Variants in RAD51B observed in about 807,000 individuals in gnomAD.
RAD51B encodes RAD51 paralog B.
In RAD51B, 38 loss-of-function variants were observed where a neutral mutation model predicts 42.2. The observed-to-expected ratio is 0.90, with a 90% CI of 0.70 to 1.18. The LOEUF (loss-of-function observed/expected upper bound fraction) is 1.18. Among genes scored for constraint, RAD51B ranks in the 50% most tolerant of loss-of-function variants. The probability of loss-of-function intolerance (pLI) is 0.00; values close to 1 mark genes in which losing one functional copy is unlikely to be tolerated. For missense variants in RAD51B, 373 were observed against 400.7 expected (o/e 0.93, Z 0.59); for synonymous variants, 154 against 145.2 (o/e 1.06, Z -0.43).
intron 7 of RAD51B, among the ~76,000 whole-genome samples, chr14:68,060,028 A>T (rs1214895258): frequency 1.3e-5 from 2 of 152,224 alleles, no homozygotes; most frequent in African/African-American, 4.8e-5. Context: ...GTGTGATGCC[A>T]GAGGAAGAAT....
chr14:68,477,015 G>A (rs1055497519), intron 10 of RAD51B, among the ~76,000 whole-genome samples: 4 of 152,164 alleles, frequency 2.6e-5, no homozygotes, highest in African/African-American at 9.7e-5. Context: ...TCCCACAGAG[G>A]CTGACCAGTG....
intron 7 of RAD51B, among the ~76,000 whole-genome samples, chr14:68,271,999 C>T (rs1162144650): frequency 6.6e-6 from 1 of 152,164 alleles, no homozygotes; most frequent in East Asian, 1.9e-4. Flanking sequence ...TGTTTCAACT[C>T]GAAAATGAAA....
intron 4 of RAD51B, among the ~76,000 whole-genome samples, chr14:67,855,509 G>C (rs1394343398): frequency 6.6e-6 from 1 of 151,918 alleles, no homozygotes; most frequent in Non-Finnish European, 1.5e-5. Flanking sequence ...CAAAGTGCTG[G>C]GATTATAGGC....
At chr14:67,882,836 C>T (rs2042952124) in intron 5 of RAD51B, among the ~76,000 whole-genome samples, 1 of 152,072 alleles carries the variant, frequency 6.6e-6, no homozygotes, top group South Asian at 2.1e-4. Context: ...CCTCCATCTC[C>T]CAGATTCAAG....
chr14:67,928,232 A>T (rs150107408), intron 7 of RAD51B, among the ~76,000 whole-genome samples: 139 of 152,100 alleles, frequency 9.1e-4, no homozygotes, highest in Non-Finnish European at 1.7e-3. Flanking sequence ...GATTGTATTG[A>T]TATGGCTCCA....
chr14:68,601,393 T>C (rs12879200), intron 10 of RAD51B, among the ~76,000 whole-genome samples: 52,504 of 151,984 alleles, frequency 0.35, 9,489 homozygotes, highest in Non-Finnish European at 0.39. Context: ...TCATGTCGGC[T>C]ATAGTTTCCA....
chr14:68,143,752 G>T (rs1424525433), intron 7 of RAD51B, among the ~76,000 whole-genome samples: 3 of 152,202 alleles, frequency 2.0e-5, no homozygotes, highest in Admixed American at 2.0e-4. Flanking sequence ...TTGAAAAGCA[G>T]CTGCAACCTT....
intron 8 of RAD51B, among the ~76,000 whole-genome samples, chr14:68,352,938 G>T (rs2082820400): frequency 6.6e-6 from 1 of 152,156 alleles, no homozygotes; most frequent in Non-Finnish European, 1.5e-5. Context: ...GAAAAGTGAG[G>T]CTGGTACTAT....
chr14:68,629,614 T>C (rs1299896139), intron 10 of RAD51B, among the ~76,000 whole-genome samples: 1 of 152,120 alleles, frequency 6.6e-6, no homozygotes, highest in African/African-American at 2.4e-5. Context: ...AGGAACTGGC[T>C]TGGGAGGGTT....
chr14:67,933,921 C>A (rs1363564123), intron 7 of RAD51B, among the ~76,000 whole-genome samples: 1 of 152,166 alleles, frequency 6.6e-6, no homozygotes, highest in Non-Finnish European at 1.5e-5. Context: ...TTTAATTCTA[C>A]CAGAATTGAA....
rs143464100 is a variant in RAD51B, at chr14:68,529,271, A to C, written c.1036+61021A>C. 8.0e-3 allele frequency among the ~76,000 whole-genome samples: 1,213 copies of C among 152,286 alleles called. 15 individuals carry two copies. Among genetic ancestry groups the C allele is most frequent in the African/African-American group, 0.028 (1,177 of 41,544 alleles). On this transcript the variant is annotated intron_variant, in intron 10 of 10. Transcript: ENST00000487270. ...GAGTGCAGTGGCACAATCTTGGCTC[A>C]CTGCAACTTCCTCCTCCTAGGTTCA...
At chr14:68,587,660 C>G (rs966196199) in intron 10 of RAD51B, among the ~76,000 whole-genome samples, 1 of 152,064 alleles carries the variant, frequency 6.6e-6, no homozygotes, top group African/African-American at 2.4e-5. Flanking sequence ...ACCCCAGTCC[C>G]GCAGAGCAGC....
downstream of RAD51B, among the ~76,000 whole-genome samples, chr14:68,598,412 C>T (rs1031006010): frequency 6.6e-5 from 10 of 152,228 alleles, no homozygotes; most frequent in African/African-American, 2.2e-4. Flanking sequence ...AAGGAGAAAT[C>T]ACAGTATAAC....
intron 7 of RAD51B, among the ~76,000 whole-genome samples, chr14:67,923,661 G>C (rs575984795): frequency 6.6e-6 from 1 of 152,170 alleles, no homozygotes. Context: ...TCATATTTTT[G>C]CAATTGCAAA....
At chr14:67,901,211 A>C (rs1041721970) in intron 7 of RAD51B, among the ~76,000 whole-genome samples, 6 of 152,200 alleles carry the variant, frequency 3.9e-5, no homozygotes, top group African/African-American at 1.4e-4. Flanking sequence ...ACTCCATCTT[A>C]GTTATTACCC....
At chr14:67,854,051 C>G (rs201060985) in intron 4 of RAD51B, among the ~76,000 whole-genome samples, 1 of 152,144 alleles carries the variant, frequency 6.6e-6, no homozygotes, top group African/African-American at 2.4e-5. Context: ...AGTTCGGTAG[C>G]CTTCTCATAT....
At chr14:68,010,029 T>G (rs900694146) in intron 7 of RAD51B, among the ~76,000 whole-genome samples, 12 of 151,950 alleles carry the variant, frequency 7.9e-5, no homozygotes, top group Non-Finnish European at 1.6e-4. Flanking sequence ...TGTGAACAAT[T>G]GAGTAGTTTC....
intron 7 of RAD51B, among the ~76,000 whole-genome samples, chr14:67,990,958 C>A (rs368012694): frequency 6.6e-6 from 1 of 151,988 alleles, no homozygotes; most frequent in Non-Finnish European, 1.5e-5. Context: ...TTACTCGAAA[C>A]CATTTCAGAG....
intron 7 of RAD51B, among the ~76,000 whole-genome samples, chr14:68,268,242 A>G (rs2081031310): frequency 6.6e-6 from 1 of 152,238 alleles, no homozygotes; most frequent in Non-Finnish European, 1.5e-5. Flanking sequence ...AAATGCATGT[A>G]TGTGTGCACA....
Sources: gnomAD v4.1 joint callset for allele counts (sites outside exome capture counted in the v4.1 genomes callset) on GRCh38, gnomAD v4.1.1 for gene constraint, MANE v1.5 for transcripts, NCBI Gene and HGNC (gene_info 2026-07-23, HGNC 2026-07-21) for gene names.